CNTROB: variants seen among roughly 807,000 people sequenced by gnomAD.
CNTROB encodes the protein centrobin.
Under a neutral mutation model 115.7 loss-of-function variants are expected in CNTROB, and 82 were observed. That is an observed-to-expected ratio of 0.71 (90% CI 0.59 to 0.85). The LOEUF (loss-of-function observed/expected upper bound fraction) is 0.85, where lower values mean the gene tolerates loss of function less well. CNTROB is among the 40% of genes least tolerant of loss of function. CNTROB has a pLI of 0.00. For synonymous variants in CNTROB, 439 were observed against 456.4 expected (o/e 0.96, Z 0.49); for missense variants, 1,014 against 1,144.4 (o/e 0.89, Z 1.64).
intron 4 of CNTROB, 97 bp downstream of exon 4, chr17:7,935,242 G>A (rs1465098318): frequency 5.7e-6 from 9 of 1,573,224 alleles, no homozygotes; most frequent in Non-Finnish European, 6.9e-6. Flanking sequence ...GGTGGCTCAC[G>A]CCTGTAATCA....
At chr17:7,934,076 TG>T in intron 1 of CNTROB, 61 bp from the exon 2 acceptor site, 1 of 1,397,296 alleles carries the variant, frequency 7.2e-7, no homozygotes, top group Non-Finnish European at 1.0e-6. Flanking sequence ...AATTCTACCC[TG>T]GCAATAGGTA....
chr17:7,948,152 G>T lies in CNTROB; in HGVS notation c.2210-5G>T, dbSNP rs370451044. On this transcript the variant is annotated splice_polypyrimidine_tract_variant and splice_region_variant and intron_variant, in intron 15 of 18. Transcript: ENST00000563694. This position sits in a 1 kb window ranked among gnomAD's most constrained non-coding sequence, Gnocchi z 4.4. ...CTGATTCTTGGCATTCTTTCCTTTT[G>T]CTAGGTCCTCTGACTGTCCCATCTT... The T allele has an allele frequency of 1.9e-6, 3 of 1,614,094 alleles. No homozygotes were observed. Among genetic ancestry groups the T allele is most frequent in the South Asian group, 1.1e-5 (1 of 91,084 alleles).
chr17:7,940,199 GGAGA>G lies in CNTROB; in HGVS notation c.1277_1280del (p.Arg426MetfsTer7). 1 of 1,611,700 alleles carries G rather than the reference GGAGA, an allele frequency of 6.2e-7. No individual in the cohort carries two copies. The highest frequency in any genetic ancestry group is 8.5e-7 in the Non-Finnish European group (1 of 1,179,396). On this transcript the variant is annotated frameshift_variant, in exon 9 of 19. Coordinates refer to ENST00000563694, the MANE Select transcript of CNTROB (RefSeq NM_053051.5). LOFTEE classifies it high-confidence loss of function. ...CTGGAAGGAGAGCTGGATACAGCTC[GGAGA>G]GAGAGAGATGCCCTGCAGCTGGAAA...
rs145359194 is a variant in CNTROB, at chr17:7,934,222, C to T, written c.355C>T (p.Arg119Trp). ...MLQTSRDTAY[R>W]DPLIPGAGSE... is the part of the protein sequence containing the mutation. ...CCAAACCTCACGTGATACAGCCTAT[C>T]GTGAGTAAGCCCCTTCCCTAGAACT... Residue 119 changes from arginine (R) to tryptophan (W), a missense_variant and splice_region_variant, in exon 2 of 19, where the codon CGG becomes TGG. Transcript: ENST00000563694. 760 of 1,613,266 alleles carry T rather than the reference C, an allele frequency of 4.7e-4. 9 individuals are homozygous for T. Among genetic ancestry groups the T allele is most frequent in the Middle Eastern group, 1.6e-4 (1 of 6,062 alleles).
Position 7,943,512 on chromosome 17 carries a change from G to C in CNTROB, c.1433G>C (p.Arg478Thr), listed in dbSNP as rs1401710980. The C allele has an allele frequency of 6.2e-7, 1 of 1,612,968 alleles. No individual in the cohort carries two copies. The highest frequency in any genetic ancestry group is 2.2e-5 in the East Asian group (1 of 44,830). Reference sequence around the variant, plus strand: ...AGCCTACGGCAAGCAGCCTCCCTCAGGGAACATCACAGGTACGTGGGACTC... The same window carrying C: ...AGCCTACGGCAAGCAGCCTCCCTCACGGAACATCACAGGTACGTGGGACTC... ...ESSLRQAASL[R>T]EHHRKQLQDL... The change falls in exon 10 of 19, where the codon AGG (arginine) becomes ACG (threonine). Residue 478 changes from arginine to threonine, a missense_variant. Transcript: ENST00000563694. The surrounding 1 kb of genome is among the most constrained non-coding windows in gnomAD (Gnocchi z 4.7).
chr17:7,949,113 A>G lies in CNTROB; in HGVS notation c.2542A>G (p.Arg848Gly), dbSNP rs991607510. The change falls in exon 18 of 19, where the codon AGA (arginine) becomes GGA (glycine). Residue 848 changes from arginine to glycine, a missense_variant. Coordinates refer to ENST00000563694, the MANE Select transcript of CNTROB (RefSeq NM_053051.5). ...TGATGGCCGAGGGGATAATGTCCCC[A>G]GAAGGAACACAGACTCCCGCTTGGG... ...GTDGRGDNVP[R>G]RNTDSRLGEI... The G allele has an allele frequency of 6.2e-7, 1 of 1,614,002 alleles. No homozygotes were observed. The highest frequency in any genetic ancestry group is 1.3e-5 in the African/African-American group (1 of 74,920).
rs772005860 is a variant in CNTROB, at chr17:7,949,158, G to A, written c.2586+1G>A. The A allele has an allele frequency of 2.6e-5, 42 of 1,613,968 alleles. No individual in the cohort carries two copies. The highest frequency in any genetic ancestry group is 3.6e-5 in the Non-Finnish European group (42 of 1,179,856). ...CTTGGGTGAGATCCCCCGGAAAGAG[G>A]TGAGGGAAAGTCAGGCAGGGACCAG... On this transcript the variant is annotated splice_donor_variant, in intron 18 of 18. Coordinates refer to ENST00000563694, the MANE Select transcript of CNTROB (RefSeq NM_053051.5). LOFTEE classifies it high-confidence loss of function.
At position 7,943,975 on chromosome 17, in the gene CNTROB, G is replaced by A. The variant is rs967939384; in HGVS notation, c.1446-148G>A. ...CTGAGGAACCCATCCTAAGACCCCA[G>A]CTTTGTCCTTGCCGCTTCCTGTGCC... On this transcript the variant is annotated intron_variant, in intron 10 of 18. Coordinates refer to ENST00000563694, the MANE Select transcript of CNTROB (RefSeq NM_053051.5). The surrounding 1 kb of genome is among the most constrained non-coding windows in gnomAD (Gnocchi z 4.7). 7 of 632,226 alleles carry A rather than the reference G, an allele frequency of 1.1e-5. No individual in the cohort carries two copies. The East Asian group carries it at 1.6e-4, about 15-fold the overall frequency. The allele number at this position is 632,226 out of a possible 1,614,324, so 39.2% of individuals were successfully genotyped here. A position where few individuals can be genotyped will look rare whatever the true frequency, so the allele number is the denominator to read the frequency against.
Position 7,948,619 on chromosome 17 carries a change from G to A in CNTROB, c.2513G>A (p.Gly838Glu), listed in dbSNP as rs773043698. The A allele has an allele frequency of 6.2e-7, 1 of 1,614,146 alleles. No homozygotes were observed. Among genetic ancestry groups the A allele is most frequent in the South Asian group, 1.1e-5 (1 of 91,076 alleles). Residue 838 changes from glycine (G) to glutamate (E), a missense_variant and splice_region_variant, in exon 17 of 19, where the codon GGG becomes GAG. Coordinates refer to ENST00000563694, the MANE Select transcript of CNTROB (RefSeq NM_053051.5). The surrounding 1 kb of genome is among the most constrained non-coding windows in gnomAD (Gnocchi z 4.4). Reference sequence around the variant, plus strand: ...TACCTGAAGAGGCTGGAACACAGCGGGTACAAGCCTGGGAGGAAGGAGGAA... The same window carrying A: ...TACCTGAAGAGGCTGGAACACAGCGAGTACAAGCCTGGGAGGAAGGAGGAA... The part of the protein sequence containing the change: ...LLYLKRLEHS[G>E]TDGRGDNVPR...
At chr17:7,936,642 G>C in intron 5 of CNTROB, 59 bp from the exon 6 acceptor site, 1 of 845,092 alleles carries the variant, frequency 1.2e-6, no homozygotes, top group South Asian at 1.3e-5. Flanking sequence ...CCCTGCCCCT[G>C]TGGGTAGAAA....
intron 7 of CNTROB, among the ~76,000 whole-genome samples, chr17:7,938,244 A>G (rs1372810543): frequency 6.6e-6 from 1 of 152,128 alleles, no homozygotes; most frequent in Non-Finnish European, 1.5e-5. Context: ...ACCTCAAGTG[A>G]TCTGCCCGCC....
rs1359523607 is a variant in CNTROB at position 7,935,043 on chromosome 17, G to A, written c.492G>A (p.Glu164=). 2 of 1,614,042 alleles carry A rather than the reference G, an allele frequency of 1.2e-6. No individual in the cohort carries two copies. The highest frequency in any genetic ancestry group is 2.7e-5 in the African/African-American group (2 of 74,924). ...SPSSSAQALE[E]LFPRYTSLRP... ...CTAGCTCAGCCCAAGCCCTGGAGGA[G>A]CTGTTTCCCCGCTACACCAGCCTTC... Residue 164 remains glutamate (E), a synonymous_variant, in exon 4 of 19, where the codon GAG becomes GAA. Coordinates refer to ENST00000563694, the MANE Select transcript of CNTROB (RefSeq NM_053051.5).
intron 14 of CNTROB, 54 bp from the exon 15 acceptor site, chr17:7,947,862 G>T: frequency 6.2e-7 from 1 of 1,609,372 alleles, no homozygotes; most frequent in East Asian, 2.2e-5. Context: ...TCAGATCCCT[G>T]GGCGTTTTTC....
In CNTROB at chr17:7,934,138, G is replaced by A. The variant is rs534250196; in HGVS notation, c.271G>A (p.Asp91Asn). Residue 91 changes from aspartate to asparagine, a missense_variant and splice_region_variant, in exon 2 of 19, where the codon GAT becomes AAT. Asp to Asn is a conservative substitution (Grantham distance 23). Transcript: ENST00000563694. ...VGLEKNLKKK[D>N]GSKHIFEMES... is the part of the protein sequence containing the mutation. ...TGATTTCCATGTGGCTTTTTTCCAGGATGGTTCTAAGCATATCTTTGAGAT... is the reference window on the plus strand; with the variant it reads ...TGATTTCCATGTGGCTTTTTTCCAGAATGGTTCTAAGCATATCTTTGAGAT... 1.0e-4 allele frequency: 167 copies of A among 1,613,902 alleles called. 3 individuals carry two copies. The South Asian group carries it at 1.8e-3, about 18-fold the overall frequency.
In CNTROB at chr17:7,948,999, A is replaced by G; in HGVS notation, c.2514-86A>G. 2 of 1,608,162 alleles carry G rather than the reference A, an allele frequency of 1.2e-6. No homozygotes were observed. Among genetic ancestry groups the G allele is most frequent in the South Asian group, 2.2e-5 (2 of 90,810 alleles). Reference sequence around the variant, plus strand: ...GAGTTTGATCTTATTCTTAAGAGATAGAATTGGGGAGTAGTTCTTCCATCC... The same window carrying G: ...GAGTTTGATCTTATTCTTAAGAGATGGAATTGGGGAGTAGTTCTTCCATCC... On this transcript the variant is annotated intron_variant, in intron 17 of 18. Coordinates refer to ENST00000563694, the MANE Select transcript of CNTROB (RefSeq NM_053051.5). The surrounding 1 kb of genome is among the most constrained non-coding windows in gnomAD (Gnocchi z 4.4).
chr17:7,935,611 C>A (rs1302479760), intron 4 of CNTROB: 1 of 167,022 alleles, frequency 6.0e-6, no homozygotes, highest in Non-Finnish European at 1.3e-5. Flanking sequence ...AATATGGCAC[C>A]ACCTCCTTTC....
At chr17:7,945,030 T>G (rs1974358480) in intron 12 of CNTROB, among the ~76,000 whole-genome samples, 3 of 152,236 alleles carry the variant, frequency 2.0e-5, no homozygotes, top group Admixed American at 2.0e-4. Flanking sequence ...CCATTGGGCA[T>G]AACTCTAGTC....
At position 7,947,041 on chromosome 17, in the gene CNTROB, G is replaced by A. The variant is rs1170428934; in HGVS notation, c.1994-530G>A. 2.6e-5 allele frequency among the ~76,000 whole-genome samples: 4 copies of A among 151,816 alleles called. No homozygotes were observed. In the South Asian group the frequency reaches 6.2e-4, roughly 24 times the overall value. ...CCGGGCGTGGTGGCAGGCATCTGTA[G>A]TCCCAGCTACTCGGGAGGCTGAGGC... is the stretch of plus-strand genomic sequence containing the variant. On this transcript the variant is annotated intron_variant, in intron 13 of 18. Coordinates refer to ENST00000563694, the MANE Select transcript of CNTROB (RefSeq NM_053051.5).
Position 7,948,952 on chromosome 17 carries a change from C to G in CNTROB, c.2514-133C>G. The G allele has an allele frequency of 1.3e-6, 2 of 1,564,020 alleles. No homozygotes were observed. The highest frequency in any genetic ancestry group is 2.4e-5 in the South Asian group (2 of 84,114). On this transcript the variant is annotated intron_variant, in intron 17 of 18. Coordinates refer to ENST00000563694, the MANE Select transcript of CNTROB (RefSeq NM_053051.5). This position sits in a 1 kb window ranked among gnomAD's most constrained non-coding sequence, Gnocchi z 4.4. ...TATTTACTTCCACTAATGTCTCCTC[C>G]CAGTTGATGCCCAGGTCTATCGAGT... is the stretch of plus-strand genomic sequence containing the variant.
Sources: allele counts gnomAD v4.1 joint callset (sites outside exome capture counted in the v4.1 genomes callset), GRCh38; gene constraint gnomAD v4.1.1; non-coding constraint Gnocchi (gnomAD v3.1); transcripts MANE v1.5; gene names NCBI Gene and HGNC (gene_info 2026-07-23, HGNC 2026-07-21).